The following VIPR2 variants were observed in gnomAD, a reference collection of about 807,000 sequenced individuals.
The protein encoded by VIPR2 is vasoactive intestinal peptide receptor 2.
A neutral mutation model predicts 58.0 loss-of-function variants in VIPR2; 48 were observed. The ratio of observed to expected loss-of-function variants is 0.83; its 90% CI spans 0.66 to 1.05. The LOEUF (loss-of-function observed/expected upper bound fraction) is 1.05, where lower values mean the gene tolerates loss of function less well. VIPR2 is among the 50% of genes least tolerant of loss of function. The probability of loss-of-function intolerance (pLI) is 0.00; values close to 1 mark genes in which losing one functional copy is unlikely to be tolerated. For missense variants in VIPR2, 534 were observed against 558.0 expected (o/e 0.96, Z 0.43); for synonymous variants, 243 against 235.2 (o/e 1.03, Z -0.30).
chr7:159,141,971 C>T (rs565195406), intron 2 of VIPR2, among the ~76,000 whole-genome samples: 48 of 152,330 alleles, frequency 3.2e-4, no homozygotes, highest in African/African-American at 7.0e-4. Flanking sequence ...GCGATCTGCA[C>T]GTTCACAGTG....
intron 2 of VIPR2, among the ~76,000 whole-genome samples, chr7:159,113,965 C>T (rs1277881918): frequency 6.6e-6 from 1 of 152,062 alleles, no homozygotes; most frequent in Admixed American, 6.6e-5. Flanking sequence ...CTGGGGATGA[C>T]GAGGGGCCGG....
At chr7:159,130,384 A>C (rs1183124469) in intron 2 of VIPR2, among the ~76,000 whole-genome samples, 1 of 152,174 alleles carries the variant, frequency 6.6e-6, no homozygotes, top group Non-Finnish European at 1.5e-5. Flanking sequence ...GTCACAAGAT[A>C]TGCAACTTCC....
chr7:159,058,580 T>G lies in VIPR2; in HGVS notation c.358-2A>C. ...CTTCACCAGAATATAAAACGTGATC[T>G]ACAAAGAAAGAAAACAGATCTGTAA... On this transcript the variant is annotated splice_acceptor_variant, in intron 4 of 12. Coordinates refer to ENST00000262178, the MANE Select transcript of VIPR2 (RefSeq NM_003382.5). LOFTEE classifies it high-confidence loss of function. 1 of 1,601,272 alleles carries G rather than the reference T, an allele frequency of 6.2e-7. No homozygotes were observed. The highest frequency in any genetic ancestry group is 1.1e-5 in the South Asian group (1 of 90,824).
chr7:159,111,510 T>C (rs924758176), intron 2 of VIPR2, among the ~76,000 whole-genome samples: 8 of 151,752 alleles, frequency 5.3e-5, no homozygotes, highest in African/African-American at 1.7e-4. Context: ...TGAAACCCCG[T>C]CTCTACTAAA....
At chr7:159,119,177 C>T (rs940104364) in intron 2 of VIPR2, among the ~76,000 whole-genome samples, 17 of 152,266 alleles carry the variant, frequency 1.1e-4, no homozygotes, top group South Asian at 6.2e-4. Context: ...GACAATGGGC[C>T]GCAGCTCCCC....
rs369884525 is a variant in VIPR2, at chr7:159,036,025, G to A, written c.749-13C>T. On this transcript the variant is annotated splice_polypyrimidine_tract_variant and intron_variant, in intron 7 of 12. Transcript: ENST00000262178. ...ACGGTGGGGAGGCCTGCAGAGAGAC[G>A]CCTGGTTACACAGGTGGAGCGGAGC... 6.3e-5 allele frequency: 101 copies of A among 1,611,964 alleles called. 1 individual carries two copies. Among genetic ancestry groups the A allele is most frequent in the Admixed American group, 1.2e-4 (7 of 59,866 alleles).
At chr7:159,050,277 CA>C (rs1270882558) in intron 5 of VIPR2, among the ~76,000 whole-genome samples, 3 of 150,178 alleles carry the variant, frequency 2.0e-5, no homozygotes, top group Non-Finnish European at 4.4e-5. Flanking sequence ...GCAGAGGTTG[CA>C]GTAAGCGGAG....
intron 2 of VIPR2, among the ~76,000 whole-genome samples, chr7:159,118,227 T>C (rs1796317777): frequency 6.6e-6 from 1 of 152,200 alleles, no homozygotes; most frequent in Non-Finnish European, 1.5e-5. Flanking sequence ...TCTGAGTGGT[T>C]GAGTTCTCTG....
At chr7:159,053,083 AG>A (rs1194403506) in intron 5 of VIPR2, among the ~76,000 whole-genome samples, 2 of 152,168 alleles carry the variant, frequency 1.3e-5, no homozygotes, top group African/African-American at 4.8e-5. Context: ...AAATGGATTT[AG>A]TGAGGTTGCT....
chr7:159,079,549 C>T (rs1407093948), intron 4 of VIPR2, among the ~76,000 whole-genome samples: 2 of 151,708 alleles, frequency 1.3e-5, no homozygotes, highest in Non-Finnish European at 2.9e-5. Context: ...CCTAACATCA[C>T]AAAAGAACTA....
At chr7:159,083,258 T>C (rs1328654884) in intron 4 of VIPR2, among the ~76,000 whole-genome samples, 1 of 152,186 alleles carries the variant, frequency 6.6e-6, no homozygotes, top group African/African-American at 2.4e-5. Flanking sequence ...CTTCCCTTCA[T>C]CTTTGTCTGG....
chr7:159,102,943 C>T (rs1858391883), intron 4 of VIPR2, among the ~76,000 whole-genome samples: 1 of 152,250 alleles, frequency 6.6e-6, no homozygotes. Context: ...GCCCGCCACC[C>T]ACACGGTGCT....
At chr7:159,129,141 G>T (rs1405984828) in intron 2 of VIPR2, among the ~76,000 whole-genome samples, 2 of 108,218 alleles carry the variant, frequency 1.8e-5, no homozygotes, top group Non-Finnish European at 4.0e-5. Flanking sequence ...CTGGCCTCTG[G>T]GGGGGACAGG....
At position 159,031,568 on chromosome 7, in the gene VIPR2, G is replaced by T; in HGVS notation, c.1143+260C>A. The T allele has an allele frequency of 1.0e-6, 1 of 985,400 alleles. No homozygotes were observed. Among genetic ancestry groups the T allele is most frequent in the Non-Finnish European group, 1.2e-6 (1 of 829,926 alleles). 61.0% of individuals were successfully genotyped at this position (985,400 alleles called of 1,614,324 possible). On this transcript the variant is annotated intron_variant, in intron 12 of 12. Coordinates refer to ENST00000262178, the MANE Select transcript of VIPR2 (RefSeq NM_003382.5). This position sits in a 1 kb window ranked among gnomAD's most constrained non-coding sequence, Gnocchi z 4.0. ...TCTAGACCCGGCCGGGAGCTTTCCC[G>T]AGAGGGCTCCGAGACGGACGGCAGT...
chr7:159,031,238 C>T lies in VIPR2; in HGVS notation c.1144-449G>A, dbSNP rs1235778464. Among the ~76,000 whole-genome samples, 1 of 152,024 alleles carries T rather than the reference C, an allele frequency of 6.6e-6. No homozygotes were observed. Among genetic ancestry groups the T allele is most frequent in the East Asian group, 1.9e-4 (1 of 5,176 alleles). On this transcript the variant is annotated intron_variant, in intron 12 of 12. Coordinates refer to ENST00000262178, the MANE Select transcript of VIPR2 (RefSeq NM_003382.5). The surrounding 1 kb of genome is among the most constrained non-coding windows in gnomAD (Gnocchi z 4.0). The stretch of plus-strand genomic sequence containing the variant: ...AGAGGAGGGAGGAGGACAAGTGGCA[C>T]TACTCGGGCTCAGCTTTGCAGAAGC...
At position 159,144,860 on chromosome 7, in the gene VIPR2, G is replaced by A; in HGVS notation, c.-89C>T. 2.5e-6 allele frequency: 3 copies of A among 1,180,680 alleles called. No homozygotes were observed. The highest frequency in any genetic ancestry group is 3.2e-6 in the Non-Finnish European group (3 of 943,676). 73.1% of individuals were successfully genotyped at this position (1,180,680 alleles called of 1,614,324 possible). On this transcript the variant is annotated 5_prime_UTR_variant, in exon 1 of 13. Coordinates refer to ENST00000262178, the MANE Select transcript of VIPR2 (RefSeq NM_003382.5). ...CCGCCGCCTCCAGCATGGGCCGGGA[G>A]CGAGTGCGCGGAGACCTCGGGCCCC...
rs1857594624 is a variant in VIPR2, at chr7:159,093,071, A to G, written c.357+10686T>C. ...ATCCACTTCTGCACTGGTGCCGTCC[A>G]CTCAGAGAACCCGTCTAGCAGCGGA... On this transcript the variant is annotated intron_variant, in intron 4 of 12. Transcript: ENST00000262178. The surrounding 1 kb of genome is among the most constrained non-coding windows in gnomAD (Gnocchi z 6.7). Among the ~76,000 whole-genome samples the G allele has an allele frequency of 6.6e-6, 1 of 151,988 alleles. No homozygotes were observed. Among genetic ancestry groups the G allele is most frequent in the Admixed American group, 6.6e-5 (1 of 15,260 alleles).
chr7:159,115,053 T>G (rs1796187119), intron 2 of VIPR2, among the ~76,000 whole-genome samples: 1 of 152,206 alleles, frequency 6.6e-6, no homozygotes, highest in Non-Finnish European at 1.5e-5. Context: ...AACTGTACTT[T>G]CTATATGGCA....
intron 3 of VIPR2, among the ~76,000 whole-genome samples, chr7:159,106,818 G>A (rs13310237): frequency 0.042 from 5,824 of 139,074 alleles, 273 homozygotes; most frequent in African/African-American, 0.1. Context: ...GAGAGAGGCC[G>A]GGGAGATGCA....
Sources: allele counts gnomAD v4.1 joint callset (sites outside exome capture counted in the v4.1 genomes callset), GRCh38; gene constraint gnomAD v4.1.1; non-coding constraint Gnocchi (gnomAD v3.1); transcripts MANE v1.5; gene names NCBI Gene and HGNC (gene_info 2026-07-23, HGNC 2026-07-21).